STK33: variants seen among roughly 807,000 people sequenced by gnomAD.
STK33 encodes the protein serine/threonine kinase 33.
A neutral mutation model predicts 58.0 loss-of-function variants in STK33; 52 were observed. The observed-to-expected ratio is 0.90, with a 90% confidence interval of 0.72 to 1.13. STK33 has a LOEUF of 1.13. Among genes scored for constraint, STK33 ranks in the 50% most tolerant of loss-of-function variants. The pLI is 0.00. For missense variants in STK33, 630 were observed against 604.2 expected, an observed-to-expected ratio of 1.04 and a Z score of -0.45; for synonymous variants, 215 against 200.1, an observed-to-expected ratio of 1.07 and a Z score of -0.63.
At chr11:8,459,855 G>C (rs991362911) in intron 8 of STK33, among the ~76,000 whole-genome samples, 5 of 152,138 alleles carry the variant, frequency 3.3e-5, no homozygotes, top group African/African-American at 4.8e-5. Context: ...CAACACATGT[G>C]TATGAGGAAA....
At chr11:8,372,313 A>G in the STK33 span, among the ~76,000 whole-genome samples, 53 of 152,300 alleles carry the variant, frequency 3.5e-4, no homozygotes, top group Admixed American at 2.7e-3. Flanking sequence ...CTCACTCTGC[A>G]AAGCAGGGGG....
chr11:8,591,951 T>C (rs1035682957), intron 1 of STK33, among the ~76,000 whole-genome samples: 11 of 151,832 alleles, frequency 7.2e-5, no homozygotes, highest in Non-Finnish European at 2.9e-5. Context: ...CTAACCTGCA[T>C]GTTGTGCACA....
chr11:8,567,329 G>A (rs1957520102), intron 1 of STK33: 1 of 152,098 alleles, frequency 6.6e-6, no homozygotes, highest in South Asian at 2.1e-4. Flanking sequence ...CCTACCACAT[G>A]GGGTTATCAT....
intron 1 of STK33, among the ~76,000 whole-genome samples, chr11:8,535,741 T>C (rs1024029598): frequency 6.6e-6 from 1 of 152,170 alleles, no homozygotes; most frequent in African/African-American, 2.4e-5. Flanking sequence ...ACTCAGTATC[T>C]ACCCAAAGGA....
chr11:8,545,298 CCT>C, intron 1 of STK33, among the ~76,000 whole-genome samples: 1 of 152,224 alleles, frequency 6.6e-6, no homozygotes, highest in Middle Eastern at 3.4e-3. Context: ...TTCTTTTCAT[CCT>C]TTTTTACAGC....
intron 15 of STK33, among the ~76,000 whole-genome samples, chr11:8,395,854 T>C (rs752140437): frequency 2.0e-5 from 3 of 152,234 alleles, no homozygotes; most frequent in Admixed American, 6.5e-5. Context: ...ATTTGTAATT[T>C]TGAAAGATAT....
chr11:8,487,022 T>C (rs940232119), intron 1 of STK33, among the ~76,000 whole-genome samples: 1 of 152,174 alleles, frequency 6.6e-6, no homozygotes, highest in Non-Finnish European at 1.5e-5. Context: ...GTTTGGGATG[T>C]GCCAAGTTTG....
chr11:8,559,440 T>C (rs1466101907), intron 1 of STK33, among the ~76,000 whole-genome samples: 1 of 152,192 alleles, frequency 6.6e-6, no homozygotes, highest in African/African-American at 2.4e-5. Flanking sequence ...TAAGAAAATA[T>C]AACCTCTAGG....
At chr11:8,424,147 C>A (rs1942364653) in intron 14 of STK33, among the ~76,000 whole-genome samples, 2 of 139,488 alleles carry the variant, frequency 1.4e-5, no homozygotes, top group Non-Finnish European at 3.1e-5. Context: ...CCTCCCCCAA[C>A]CCCACAACAG....
the STK33 span, among the ~76,000 whole-genome samples, chr11:8,367,910 C>G: frequency 6.6e-6 from 1 of 152,080 alleles, no homozygotes. Context: ...ACGCCCAAAC[C>G]CAGGCTATCT....
chr11:8,339,538 T>C, the STK33 span, among the ~76,000 whole-genome samples: 1 of 152,224 alleles, frequency 6.6e-6, no homozygotes, highest in African/African-American at 2.4e-5. Flanking sequence ...ATTAGAAAGA[T>C]GTGTGCTTAG....
rs116717198 is a variant in STK33, at chr11:8,546,811, C to T, written c.-466+47272G>A. On this transcript the variant is annotated intron_variant, in intron 1 of 15. Coordinates refer to ENST00000687296, the MANE Select transcript of STK33 (RefSeq NM_001352389.2). ...AATATTCCGCTGTGTATATTTACCA[C>T]ATTTTCTTTATCCATTCATCCACTG... 6.5e-3 allele frequency among the ~76,000 whole-genome samples: 984 copies of T among 152,312 alleles called. 11 individuals carry two copies. Among genetic ancestry groups the T allele is most frequent in the African/African-American group, 0.021 (892 of 41,554 alleles).
the STK33 span, among the ~76,000 whole-genome samples, chr11:8,346,308 G>A: frequency 7.2e-5 from 11 of 152,232 alleles, no homozygotes; most frequent in East Asian, 5.8e-4. Flanking sequence ...GTGACCCTGC[G>A]GGGTGGGAGA....
intron 1 of STK33, among the ~76,000 whole-genome samples, chr11:8,497,428 C>A (rs1276326862): frequency 6.6e-6 from 1 of 152,182 alleles, no homozygotes; most frequent in African/African-American, 2.4e-5. Flanking sequence ...TCAACAGAAA[C>A]CATGGAGGCC....
chr11:8,560,210 T>C (rs1433469310), intron 1 of STK33, among the ~76,000 whole-genome samples: 1 of 152,174 alleles, frequency 6.6e-6, no homozygotes, highest in African/African-American at 2.4e-5. Context: ...TTGATAAATG[T>C]CAGACTGCCC....
downstream of STK33, among the ~76,000 whole-genome samples, chr11:8,388,945 T>C (rs1018748777): frequency 2.6e-5 from 4 of 152,126 alleles, no homozygotes; most frequent in East Asian, 7.7e-4. Context: ...AAGAGCTCGT[T>C]TATCTTTTTT....
intron 1 of STK33, among the ~76,000 whole-genome samples, chr11:8,509,391 T>C (rs1187732292): frequency 1.3e-5 from 2 of 152,302 alleles, no homozygotes; most frequent in Admixed American, 1.3e-4. Flanking sequence ...ACTTGGGCCA[T>C]GAAAATACAC....
chr11:8,531,618 C>T lies in STK33; in HGVS notation c.-465-51004G>A, dbSNP rs376947182. On this transcript the variant is annotated intron_variant, in intron 1 of 15. Transcript: ENST00000687296. ...GGATGCTCACATATGGGCTCTCCAG[C>T]ATGGAAGACCCAGACTTCTTACATG... 3.5e-4 allele frequency among the ~76,000 whole-genome samples: 54 copies of T among 152,340 alleles called. No homozygotes were observed. The South Asian group carries it at 0.011, about 30-fold the overall frequency.
At chr11:8,425,786 C>T (rs772245987) in intron 14 of STK33, among the ~76,000 whole-genome samples, 12 of 152,108 alleles carry the variant, frequency 7.9e-5, no homozygotes, top group Non-Finnish European at 1.0e-4. Flanking sequence ...CCTATCTAAG[C>T]CTGTTTTTGA....
Sources: gnomAD v4.1 joint callset for allele counts (sites outside exome capture counted in the v4.1 genomes callset) on GRCh38, gnomAD v4.1.1 for gene constraint, MANE v1.5 for transcripts, NCBI Gene and HGNC (gene_info 2026-07-23, HGNC 2026-07-21) for gene names.